The following LARGE1 variants were observed in gnomAD, a reference collection of about 807,000 sequenced individuals.
The protein encoded by LARGE1 is LARGE xylosyl- and glucuronyltransferase 1, also known as xylosyl- and glucuronyltransferase LARGE1.
LARGE1 carries 43 observed loss-of-function variants against 87.6 expected under a neutral mutation model. The ratio of observed to expected loss-of-function variants is 0.49; its 90% CI spans 0.38 to 0.63. The LOEUF (loss-of-function observed/expected upper bound fraction) is 0.63. Among genes scored for constraint, LARGE1 ranks in the 30% least tolerant of loss-of-function variants. The pLI, the probability that LARGE1 is intolerant of heterozygous loss-of-function variation, is 0.00. For synonymous variants in LARGE1, 434 were observed against 394.6 expected, an observed-to-expected ratio of 1.10 and a Z score of -1.18; for missense variants, 802 against 1,000.2, an observed-to-expected ratio of 0.80 and a Z score of 2.67.
At chr22:33,516,626 G>T (rs143922763) in intron 6 of LARGE1, among the ~76,000 whole-genome samples, 18 of 149,114 alleles carry the variant, frequency 1.2e-4, no homozygotes, top group African/African-American at 4.0e-4. Context: ...GTCTCCTTCT[G>T]CCATCAGGCT....
intron 11 of LARGE1, among the ~76,000 whole-genome samples, chr22:33,194,219 G>C (rs1363597033): frequency 2.6e-5 from 4 of 152,080 alleles, no homozygotes; most frequent in Non-Finnish European, 5.9e-5. Context: ...CAAAGTTATG[G>C]TGAAATTGTT....
intron 1 of LARGE1, chr22:33,873,296 TTA>T (rs2064358156): frequency 6.6e-6 from 1 of 152,246 alleles, no homozygotes; most frequent in Admixed American, 6.5e-5. Context: ...ATTTCTTTTT[TTA>T]ACTCCCCTGG....
At chr22:33,355,635 A>T (rs1263789616) in intron 9 of LARGE1, among the ~76,000 whole-genome samples, 1 of 59,136 alleles carries the variant, frequency 1.7e-5, no homozygotes, top group African/African-American at 3.4e-5. Flanking sequence ...AGAATCTCAA[A>T]AGTAGATCTT....
intron 1 of LARGE1, among the ~76,000 whole-genome samples, chr22:33,769,220 C>G (rs944790935): frequency 1.3e-5 from 2 of 152,192 alleles, no homozygotes; most frequent in Non-Finnish European, 2.9e-5. Flanking sequence ...AAACTTCCCC[C>G]ACAAGTGAAT....
chr22:33,519,973 GTCTA>G (rs1319777469), intron 6 of LARGE1, among the ~76,000 whole-genome samples: 1 of 145,982 alleles, frequency 6.9e-6, no homozygotes, highest in Non-Finnish European at 1.5e-5. Context: ...GAGACTGTTC[GTCTA>G]TCTGTTTCAG....
At chr22:33,811,775 C>T (rs1008321269) in intron 1 of LARGE1, among the ~76,000 whole-genome samples, 1 of 152,080 alleles carries the variant, frequency 6.6e-6, no homozygotes, top group Non-Finnish European at 1.5e-5. Context: ...CTGCTCTGAG[C>T]CTTAGAAAAG....
At chr22:33,353,194 C>T (rs1480645900) in intron 9 of LARGE1, among the ~76,000 whole-genome samples, 1 of 152,152 alleles carries the variant, frequency 6.6e-6, no homozygotes, top group Admixed American at 6.5e-5. Context: ...ATTAGCAAGA[C>T]ATTTAAAAAC....
intron 6 of LARGE1, among the ~76,000 whole-genome samples, chr22:33,472,499 T>C (rs2068888468): frequency 6.6e-6 from 1 of 152,078 alleles, no homozygotes; most frequent in Non-Finnish European, 1.5e-5. Flanking sequence ...CTGCAGGTGT[T>C]TTTTGTTGTT....
intron 9 of LARGE1, among the ~76,000 whole-genome samples, chr22:33,370,673 T>G (rs1040045744): frequency 6.6e-6 from 1 of 151,932 alleles, no homozygotes. Context: ...TACCAACATG[T>G]ACATGTATTA....
chr22:33,217,586 G>C (rs1375060526), intron 11 of LARGE1, among the ~76,000 whole-genome samples: 2 of 152,160 alleles, frequency 1.3e-5, no homozygotes, highest in Non-Finnish European at 2.9e-5. Flanking sequence ...TACATGTGAA[G>C]TAGTAAAATG....
the LARGE1 span, among the ~76,000 whole-genome samples, chr22:33,085,062 G>A: frequency 6.6e-6 from 1 of 152,240 alleles, no homozygotes; most frequent in African/African-American, 2.4e-5. Flanking sequence ...GATCACCTGA[G>A]GTCAGGAGTT....
At chr22:33,460,689 A>C (rs1419671498) in intron 6 of LARGE1, among the ~76,000 whole-genome samples, 1 of 152,200 alleles carries the variant, frequency 6.6e-6, no homozygotes, top group Non-Finnish European at 1.5e-5. Flanking sequence ...ATTGGTTTTA[A>C]TGGGGCAAAC....
intron 1 of LARGE1, among the ~76,000 whole-genome samples, chr22:33,863,055 T>C (rs2063978429): frequency 6.6e-6 from 1 of 152,176 alleles, no homozygotes; most frequent in Non-Finnish European, 1.5e-5. Context: ...AGAAAGCGGT[T>C]TGCCTCCATA....
chr22:33,407,047 C>A (rs374605614), intron 7 of LARGE1, among the ~76,000 whole-genome samples: 22 of 152,332 alleles, frequency 1.4e-4, no homozygotes, highest in Middle Eastern at 3.4e-3. Context: ...CTCACCTCAG[C>A]CTCCCAAAGT....
At chr22:33,849,376 C>T (rs1048964118) in intron 1 of LARGE1, among the ~76,000 whole-genome samples, 26 of 152,102 alleles carry the variant, frequency 1.7e-4, no homozygotes, top group African/African-American at 6.3e-4. Context: ...ACCATAACTT[C>T]AACAGTATCC....
chr22:33,780,059 T>C (rs1018104072), intron 1 of LARGE1, among the ~76,000 whole-genome samples: 14 of 152,316 alleles, frequency 9.2e-5, no homozygotes, highest in Non-Finnish European at 1.2e-4. Context: ...GATCTGTTCC[T>C]GGCCTCTCTC....
At chr22:33,858,138 T>C (rs2063809159) in intron 1 of LARGE1, among the ~76,000 whole-genome samples, 1 of 152,156 alleles carries the variant, frequency 6.6e-6, no homozygotes, top group Non-Finnish European at 1.5e-5. Context: ...TTCAACTCGA[T>C]TAGGATGAAC....
rs115834312 is a variant in LARGE1 at position 33,483,352 on chromosome 22, G to A, written c.788-51087C>T. 4.1e-3 allele frequency among the ~76,000 whole-genome samples: 626 copies of A among 152,208 alleles called. 5 individuals are homozygous for A. Among genetic ancestry groups the A allele is most frequent in the African/African-American group, 0.014 (588 of 41,520 alleles). ...AGATCCAAGATTTCATTTTATTAATGGAAATGCTTCCCCTTGCAACCATCA... is the reference window on the plus strand; with the variant it reads ...AGATCCAAGATTTCATTTTATTAATAGAAATGCTTCCCCTTGCAACCATCA... On this transcript the variant is annotated intron_variant, in intron 6 of 14. Coordinates refer to ENST00000397394, the MANE Select transcript of LARGE1 (RefSeq NM_133642.5).
chr22:33,875,428 C>A (rs971130775), intron 1 of LARGE1, among the ~76,000 whole-genome samples: 1 of 152,204 alleles, frequency 6.6e-6, no homozygotes, highest in Non-Finnish European at 1.5e-5. Flanking sequence ...GACTGGGGAA[C>A]CATGGGGGCA....
Sources: allele counts gnomAD v4.1 joint callset (sites outside exome capture counted in the v4.1 genomes callset), GRCh38; gene constraint gnomAD v4.1.1; transcripts MANE v1.5; gene names NCBI Gene and HGNC (gene_info 2026-07-23, HGNC 2026-07-21).